Variants in CCDC171 observed in about 807,000 individuals in gnomAD.
The protein encoded by CCDC171 is coiled-coil domain-containing protein 171.
CCDC171 carries 177 observed loss-of-function variants against 168.2 expected under a neutral mutation model. That is an observed-to-expected ratio of 1.05 (90% CI 0.93 to 1.19). The LOEUF (loss-of-function observed/expected upper bound fraction) is 1.19, where lower values mean the gene tolerates loss of function less well. Among genes scored for constraint, CCDC171 ranks in the 50% most tolerant of loss-of-function variants. The probability of loss-of-function intolerance (pLI) is 0.00; values close to 1 mark genes in which losing one functional copy is unlikely to be tolerated. For missense variants in CCDC171, 1,991 were observed against 1,539.0 expected (o/e 1.29, Z -4.91); for synonymous variants, 687 against 540.8 (o/e 1.27, Z -3.75).
chr9:15,616,053 C>G (rs753581774), intron 6 of CCDC171, among the ~76,000 whole-genome samples: 1 of 152,140 alleles, frequency 6.6e-6, no homozygotes, highest in Admixed American at 6.5e-5. Flanking sequence ...TGGGTTCAAG[C>G]GATTCTCTTG....
intron 3 of CCDC171, among the ~76,000 whole-genome samples, chr9:16,007,935 C>G (rs986521881): frequency 3.3e-5 from 5 of 152,032 alleles, no homozygotes; most frequent in Non-Finnish European, 7.4e-5. Context: ...GGTTATTTGC[C>G]TTTGTGTTAT....
intron 6 of CCDC171, among the ~76,000 whole-genome samples, 172 bp from the exon 7 acceptor site, chr9:15,623,095 A>C (rs535316873): frequency 6.6e-6 from 1 of 152,292 alleles, no homozygotes; most frequent in East Asian, 1.9e-4. Flanking sequence ...TTTTAAACAC[A>C]TGGACATTCT....
intron 6 of CCDC171, among the ~76,000 whole-genome samples, chr9:15,611,246 C>T (rs1301521092): frequency 6.6e-6 from 1 of 152,182 alleles, no homozygotes; most frequent in Admixed American, 6.5e-5. Context: ...CCTGTACAGC[C>T]TGCAGAACTG....
At chr9:15,658,571 A>G (rs1387804289) in intron 8 of CCDC171, among the ~76,000 whole-genome samples, 1 of 152,142 alleles carries the variant, frequency 6.6e-6, no homozygotes, top group South Asian at 2.1e-4. Flanking sequence ...GGATCTTGAG[A>G]TGGGAGTTTG....
chr9:15,990,078 C>T (rs937631331), intron 3 of CCDC171, among the ~76,000 whole-genome samples: 8 of 152,054 alleles, frequency 5.3e-5, no homozygotes, highest in African/African-American at 1.9e-4. Flanking sequence ...ATACAGAGAA[C>T]ACCACAAAGA....
intron 24 of CCDC171, among the ~76,000 whole-genome samples, chr9:15,902,134 TAA>T (rs1821757903): frequency 6.6e-6 from 1 of 151,960 alleles, no homozygotes; most frequent in African/African-American, 2.4e-5. Context: ...TGTAAAAAAA[TAA>T]AAACTAACTG....
chr9:15,909,168 C>T (rs1474438188), intron 24 of CCDC171, among the ~76,000 whole-genome samples: 1 of 152,120 alleles, frequency 6.6e-6, no homozygotes, highest in East Asian at 1.9e-4. Flanking sequence ...TGTTTTAGGG[C>T]TATTAATAAA....
chr9:15,820,119 A>G lies in CCDC171; in HGVS notation c.3268-26583A>G, dbSNP rs1479988242. Among the ~76,000 whole-genome samples, 3 of 118,188 alleles carry G rather than the reference A, an allele frequency of 2.5e-5. 1 individual carries two copies. Among genetic ancestry groups the G allele is most frequent in the Non-Finnish European group, 5.7e-5 (3 of 52,670 alleles). The allele number at this position is 118,188 out of a possible 152,430, so 77.5% of individuals were successfully genotyped here. A position where few individuals can be genotyped will look rare whatever the true frequency, so the allele number is the denominator to read the frequency against. ...GGTACATAACAAAATGAAGGCAGAA[A>G]TAAAGGTGTTCTTTGAGACCAATGA... On this transcript the variant is annotated intron_variant, in intron 21 of 25. Coordinates refer to ENST00000380701, the MANE Select transcript of CCDC171 (RefSeq NM_173550.4).
intron 11 of CCDC171, among the ~76,000 whole-genome samples, chr9:15,711,117 G>A (rs1044899419): frequency 2.0e-5 from 3 of 152,090 alleles, no homozygotes; most frequent in Admixed American, 6.5e-5. Context: ...GCCACATGTG[G>A]CTATTAAGTG....
In CCDC171 at chr9:15,692,408, T is replaced by C. The variant is rs1354857429; in HGVS notation, c.1216-2827T>C. 2.3e-5 allele frequency among the ~76,000 whole-genome samples: 3 copies of C among 130,404 alleles called. No homozygotes were observed. In the South Asian group the frequency reaches 1.1e-3, roughly 46 times the overall value. 85.6% of individuals were successfully genotyped at this position (130,404 alleles called of 152,430 possible). A position where few individuals can be genotyped will look rare whatever the true frequency, so the allele number is the denominator to read the frequency against. ...AAGTCATTTTTTGTTTGTTGGCTTA[T>C]TTACTTTTTACTCTTTTTTAAAAAT... On this transcript the variant is annotated intron_variant, in intron 10 of 25. Transcript: ENST00000380701.
intron 11 of CCDC171, among the ~76,000 whole-genome samples, chr9:15,714,842 A>T (rs986514631): frequency 6.6e-6 from 1 of 152,206 alleles, no homozygotes; most frequent in Non-Finnish European, 1.5e-5. Context: ...TGCAAACCAA[A>T]TGAGACTTAA....
chr9:15,616,438 C>A (rs908866749), intron 6 of CCDC171, among the ~76,000 whole-genome samples: 26 of 151,892 alleles, frequency 1.7e-4, no homozygotes, highest in Middle Eastern at 3.4e-3. Flanking sequence ...ATTTATTTTA[C>A]TATTTTATTT....
At chr9:15,831,795 G>C (rs971378404) in intron 21 of CCDC171, among the ~76,000 whole-genome samples, 1 of 151,988 alleles carries the variant, frequency 6.6e-6, no homozygotes, top group Admixed American at 6.6e-5. Context: ...TGTGCAAAAG[G>C]AATCAATAGG....
intron 8 of CCDC171, among the ~76,000 whole-genome samples, chr9:16,037,491 A>G (rs1586850996): frequency 6.6e-6 from 1 of 152,354 alleles, no homozygotes; most frequent in East Asian, 1.9e-4. Context: ...AGAGAGAACC[A>G]GTGGATAGAA....
At chr9:15,855,519 T>C (rs867809634) in intron 23 of CCDC171, among the ~76,000 whole-genome samples, 18 of 151,818 alleles carry the variant, frequency 1.2e-4, no homozygotes, top group African/African-American at 3.1e-4. Flanking sequence ...TGACTTTCAA[T>C]TGGATATTTA....
At position 16,058,488 on chromosome 9, in the gene CCDC171, T is replaced by C. The variant is rs561152290; in HGVS notation, n.90-2158T>C. ...GATGTGTTTGTGAGCATGAAGATTC[T>C]CCACACGGGGGCCTGTTCCTTTGCC... On this transcript the variant is annotated intron_variant and non_coding_transcript_variant, in intron 1 of 1. Transcript: ENST00000478913. Among the ~76,000 whole-genome samples, 9 of 152,350 alleles carry C rather than the reference T, an allele frequency of 5.9e-5. No homozygotes were observed. In the East Asian group the frequency reaches 1.7e-3, roughly 29 times the overall value.
chr9:15,954,907 A>C (rs1829631779), intron 25 of CCDC171, among the ~76,000 whole-genome samples: 1 of 152,066 alleles, frequency 6.6e-6, no homozygotes, highest in Admixed American at 6.6e-5. Context: ...TTTGTCTCAG[A>C]GACCTGCCAT....
At chr9:15,859,728 T>G (rs1307669023) in intron 23 of CCDC171, among the ~76,000 whole-genome samples, 1 of 151,458 alleles carries the variant, frequency 6.6e-6, no homozygotes, top group Non-Finnish European at 1.5e-5. Flanking sequence ...GGCATACTCA[T>G]AGCTCACTGC....
chr9:15,686,832 G>T (rs7847148), intron 10 of CCDC171, among the ~76,000 whole-genome samples: 142,444 of 152,244 alleles, frequency 0.94, 66,743 homozygotes, highest in East Asian at 1. Flanking sequence ...TACCCCACTT[G>T]CAGTAATGGG....
Sources: allele counts gnomAD v4.1 joint callset (sites outside exome capture counted in the v4.1 genomes callset), GRCh38; gene constraint gnomAD v4.1.1; transcripts MANE v1.5; gene names NCBI Gene and HGNC (gene_info 2026-07-23, HGNC 2026-07-21).